The following ATP2B2 variants were observed in gnomAD, a reference collection of about 807,000 sequenced individuals.
ATP2B2 encodes the protein ATPase plasma membrane Ca2+ transporting 2.
ATP2B2 carries 15 observed loss-of-function variants against 120.0 expected under a neutral mutation model. The ratio of observed to expected loss-of-function variants is 0.12; its 90% confidence interval spans 0.08 to 0.19. ATP2B2 has a LOEUF of 0.19. Ranked by LOEUF, ATP2B2 falls within the 10% of genes least tolerant of loss-of-function variation. ATP2B2 has a pLI of 1.00. For missense variants in ATP2B2, 1,045 were observed against 1,719.8 expected, an observed-to-expected ratio of 0.61 and a Z score of 6.94; for synonymous variants, 694 against 700.3, an observed-to-expected ratio of 0.99 and a Z score of 0.14.
At chr3:10,427,505 T>C (rs985936918) in intron 2 of ATP2B2, among the ~76,000 whole-genome samples, 22 of 152,220 alleles carry the variant, frequency 1.4e-4, no homozygotes, top group South Asian at 2.1e-4. Context: ...CTAACACCCA[T>C]TGTGTGACAG....
rs1027356374 is a variant in ATP2B2 at position 10,608,936 on chromosome 3, G to C, written c.-415+10981C>G. Among the ~76,000 whole-genome samples, 2 of 152,158 alleles carry C rather than the reference G, an allele frequency of 1.3e-5. 1 individual carries two copies. Among genetic ancestry groups the C allele is most frequent in the South Asian group, 4.1e-4 (2 of 4,828 alleles). On this transcript the variant is annotated intron_variant, in intron 2 of 21. Transcript: ENST00000646379. ...AACATCTGGTAAAAAATGAGGGAAAGAGCTCAGGTCCTTTGGGGAAGTCCT... is the reference window on the plus strand; with the variant it reads ...AACATCTGGTAAAAAATGAGGGAAACAGCTCAGGTCCTTTGGGGAAGTCCT...
chr3:10,504,782 G>T (rs144258490), intron 1 of ATP2B2, among the ~76,000 whole-genome samples: 1 of 152,242 alleles, frequency 6.6e-6, no homozygotes, highest in East Asian at 1.9e-4. Flanking sequence ...TAGGAAGTGG[G>T]CTTCTGGGCA....
At chr3:10,669,087 T>A (rs2071025119) in intron 1 of ATP2B2, among the ~76,000 whole-genome samples, 1 of 152,176 alleles carries the variant, frequency 6.6e-6, no homozygotes, top group South Asian at 2.1e-4. Context: ...GGGAGGGGAA[T>A]CCTTCTCAGA....
rs971234459 is a variant in ATP2B2 at position 10,328,527 on chromosome 3, C to T, written c.*287G>A. The T allele has an allele frequency of 3.2e-5, 14 of 443,090 alleles. No homozygotes were observed. Among genetic ancestry groups the T allele is most frequent in the African/African-American group, 2.8e-4 (14 of 50,400 alleles). 27.4% of individuals were successfully genotyped at this position (443,090 alleles called of 1,614,324 possible). ...GTGGCTGGGCGGGTGCATGGCTGGT[C>T]CATGTCTGGGTGGGAGCCAGGAAGG... is the stretch of plus-strand genomic sequence containing the variant. On this transcript the variant is annotated 3_prime_UTR_variant, in exon 23 of 23. Coordinates refer to ENST00000360273, the MANE Select transcript of ATP2B2 (RefSeq NM_001001331.4).
chr3:10,670,159 G>C (rs750068944), intron 1 of ATP2B2, among the ~76,000 whole-genome samples: 3 of 152,232 alleles, frequency 2.0e-5, no homozygotes, highest in Non-Finnish European at 4.4e-5. Flanking sequence ...CGTTAAGAGA[G>C]GTCGAGTATG....
chr3:10,655,701 C>T (rs1297097063), intron 1 of ATP2B2, among the ~76,000 whole-genome samples: 1 of 152,200 alleles, frequency 6.6e-6, no homozygotes, highest in Non-Finnish European at 1.5e-5. Flanking sequence ...TCCACCTTCC[C>T]ACTTAACCAT....
chr3:10,622,663 C>T (rs185060398), intron 1 of ATP2B2, among the ~76,000 whole-genome samples: 128 of 152,254 alleles, frequency 8.4e-4, no homozygotes, highest in Non-Finnish European at 1.1e-3. Flanking sequence ...TGCAGGTGAC[C>T]GCACTTCTCA....
At chr3:10,439,963 C>T (rs1177189225) in intron 2 of ATP2B2, among the ~76,000 whole-genome samples, 1 of 151,852 alleles carries the variant, frequency 6.6e-6, no homozygotes. Context: ...ATTACCTGGG[C>T]ATGGTGGCAC....
chr3:10,324,439 T>G lies in ATP2B2; in HGVS notation c.*4375A>C, dbSNP rs1201980097. 6.6e-6 allele frequency: 1 copy of G among 152,128 alleles called. No individual in the cohort carries two copies. Among genetic ancestry groups the G allele is most frequent in the African/African-American group, 2.4e-5 (1 of 41,416 alleles). The allele number at this position is 152,128 out of a possible 1,614,324, so 9.4% of individuals were successfully genotyped here. A position where few individuals can be genotyped will look rare whatever the true frequency, so the allele number is the denominator to read the frequency against. On this transcript the variant is annotated 3_prime_UTR_variant, in exon 23 of 23. Coordinates refer to ENST00000360273, the MANE Select transcript of ATP2B2 (RefSeq NM_001001331.4). ...GGGGACCCTCCTCCCCCACCTGGGTTGGTATGATCTCTACATTAAAATCAG... is the reference window on the plus strand; with the variant it reads ...GGGGACCCTCCTCCCCCACCTGGGTGGGTATGATCTCTACATTAAAATCAG...
At chr3:10,543,820 C>T (rs2067487274) in intron 2 of ATP2B2, among the ~76,000 whole-genome samples, 1 of 151,524 alleles carries the variant, frequency 6.6e-6, no homozygotes, top group African/African-American at 2.4e-5. Flanking sequence ...CTCACTGCAA[C>T]CTCCACCTCC....
At chr3:10,395,944 T>C (rs888513013) in intron 5 of ATP2B2, among the ~76,000 whole-genome samples, 1 of 152,214 alleles carries the variant, frequency 6.6e-6, no homozygotes, top group African/African-American at 2.4e-5. Flanking sequence ...TCTGTCCCGT[T>C]TGAAGATACA....
chr3:10,513,336 A>G (rs1559432159), intron 3 of ATP2B2, among the ~76,000 whole-genome samples: 1 of 152,134 alleles, frequency 6.6e-6, no homozygotes, highest in Non-Finnish European at 1.5e-5. Flanking sequence ...GGAAAAGCTT[A>G]GCAGTTCTCA....
At chr3:10,483,880 C>A (rs1057139748) in intron 1 of ATP2B2, among the ~76,000 whole-genome samples, 9 of 152,206 alleles carry the variant, frequency 5.9e-5, no homozygotes, top group Non-Finnish European at 1.3e-4. Context: ...TGGCGTCAGC[C>A]CCCGGCACAG....
intron 6 of ATP2B2, 89 bp downstream of exon 6, chr3:10,388,188 A>G (rs1158249653): frequency 2.5e-6 from 4 of 1,596,378 alleles, no homozygotes; most frequent in Non-Finnish European, 2.6e-6. Flanking sequence ...GAAGGCACTC[A>G]ATAACTATTT....
At chr3:10,374,591 G>A (rs760737567) in intron 11 of ATP2B2, among the ~76,000 whole-genome samples, 6 of 152,148 alleles carry the variant, frequency 3.9e-5, no homozygotes, top group East Asian at 1.9e-4. Flanking sequence ...GAAGCCCTAC[G>A]CCCGGCCCTT....
chr3:10,589,016 G>A (rs960113940), intron 2 of ATP2B2, among the ~76,000 whole-genome samples: 12 of 152,186 alleles, frequency 7.9e-5, no homozygotes, highest in Non-Finnish European at 1.8e-4. Context: ...GCATAAACTG[G>A]GCGGGCGGCA....
intron 2 of ATP2B2, among the ~76,000 whole-genome samples, chr3:10,558,739 T>C (rs1378701757): frequency 6.6e-6 from 1 of 151,868 alleles, no homozygotes; most frequent in Non-Finnish European, 1.5e-5. Context: ...CTACAGCTCA[T>C]AGCCTTTTTG....
rs1356979182 is a variant in ATP2B2, at chr3:10,347,021, ATCTC to A, written c.2405-888_2405-885del. On this transcript the variant is annotated intron_variant, in intron 16 of 22. Coordinates refer to ENST00000360273, the MANE Select transcript of ATP2B2 (RefSeq NM_001001331.4). This position sits in a 1 kb window ranked among gnomAD's most constrained non-coding sequence, Gnocchi z 5.2. ...CTTGCTTCCCCACAGCAACCTCAGG[ATCTC>A]TCTAACACCCATGTCTGAACCAGTT... Among the ~76,000 whole-genome samples, 1 of 151,812 alleles carries A rather than the reference ATCTC, an allele frequency of 6.6e-6. No individual in the cohort carries two copies. The highest frequency in any genetic ancestry group is 1.5e-5 in the Non-Finnish European group (1 of 67,940).
chr3:10,659,847 A>G (rs1393054432), intron 1 of ATP2B2, among the ~76,000 whole-genome samples: 1 of 151,720 alleles, frequency 6.6e-6, no homozygotes, highest in Non-Finnish European at 1.5e-5. Context: ...AGTTGGAAGT[A>G]AAGCACTCCT....
Sources: allele counts gnomAD v4.1 joint callset (sites outside exome capture counted in the v4.1 genomes callset), GRCh38; gene constraint gnomAD v4.1.1; non-coding constraint Gnocchi (gnomAD v3.1); transcripts MANE v1.5; gene names NCBI Gene and HGNC (gene_info 2026-07-23, HGNC 2026-07-21).